NELL1: variants seen among roughly 807,000 people sequenced by gnomAD.
NELL1 encodes protein kinase C-binding protein NELL1.
In NELL1, 76 loss-of-function variants were observed where a neutral mutation model predicts 107.4. That is an observed-to-expected ratio of 0.71 (90% CI 0.59 to 0.86). The LOEUF (loss-of-function observed/expected upper bound fraction) is 0.86, where lower values mean the gene tolerates loss of function less well. NELL1 is among the 40% of genes least tolerant of loss of function. NELL1 has a pLI of 0.00. For missense variants in NELL1, 1,024 were observed against 1,005.5 expected (o/e 1.02, Z -0.25); for synonymous variants, 353 against 341.2 (o/e 1.03, Z -0.38).
At chr11:20,918,076 A>C in intron 5 of NELL1, 106 bp from the exon 6 acceptor site, 1 of 734,996 alleles carries the variant, frequency 1.4e-6, no homozygotes, top group African/African-American at 1.7e-5. Context: ...GAATGAATCA[A>C]TTTTGTTGAA....
At chr11:21,428,994 T>C (rs1852902676) in intron 15 of NELL1, among the ~76,000 whole-genome samples, 1 of 152,202 alleles carries the variant, frequency 6.6e-6, no homozygotes. Context: ...ACTTTCCTTT[T>C]GAGCCTCCAT....
rs1157302454 is a variant in NELL1 at position 20,790,527 on chromosome 11, C to A, written c.335+6697C>A. On this transcript the variant is annotated intron_variant, in intron 3 of 19. Transcript: ENST00000357134. ...CCAGGTCTCCAAGAGTGCAGGGATG[C>A]GTGGGCCCACAGCTGCAGCTGTGAA... Among the ~76,000 whole-genome samples, 3 of 152,316 alleles carry A rather than the reference C, an allele frequency of 2.0e-5. No homozygotes were observed. In the East Asian group the frequency reaches 5.8e-4, roughly 29 times the overall value.
At chr11:21,325,694 A>G (rs547419282) in intron 14 of NELL1, among the ~76,000 whole-genome samples, 54 of 152,186 alleles carry the variant, frequency 3.5e-4, no homozygotes, top group Non-Finnish European at 5.7e-4. Context: ...CAAGCTATGA[A>G]AAGTGTATTC....
At chr11:21,084,183 A>G (rs967875936) in intron 12 of NELL1, among the ~76,000 whole-genome samples, 9 of 152,212 alleles carry the variant, frequency 5.9e-5, no homozygotes, top group African/African-American at 1.4e-4. Flanking sequence ...CGTTGCAGAT[A>G]ATAGTGATGC....
chr11:20,762,411 T>C (rs1237145007), intron 2 of NELL1, among the ~76,000 whole-genome samples: 1 of 152,234 alleles, frequency 6.6e-6, no homozygotes, highest in African/African-American at 2.4e-5. Context: ...AAACTTGTCA[T>C]ATTTTATTCA....
At chr11:20,700,776 G>A (rs1035857931) in intron 2 of NELL1, among the ~76,000 whole-genome samples, 3 of 151,632 alleles carry the variant, frequency 2.0e-5, no homozygotes, top group African/African-American at 7.3e-5. Flanking sequence ...TTCTGTCCTT[G>A]TGATAGTTTG....
At chr11:20,732,304 C>T (rs930984313) in intron 2 of NELL1, among the ~76,000 whole-genome samples, 7 of 152,084 alleles carry the variant, frequency 4.6e-5, no homozygotes, top group African/African-American at 1.4e-4. Flanking sequence ...ATTTGAGTTC[C>T]TCCTGTGTTA....
chr11:21,453,837 G>C (rs1590944219), intron 15 of NELL1, among the ~76,000 whole-genome samples: 3 of 147,270 alleles, frequency 2.0e-5, no homozygotes, highest in African/African-American at 7.5e-5. Context: ...TTTGTGCCAG[G>C]GTTTACAATA....
intron 12 of NELL1, among the ~76,000 whole-genome samples, chr11:21,037,866 G>T (rs1853134744): frequency 6.6e-6 from 1 of 152,070 alleles, no homozygotes; most frequent in Admixed American, 6.6e-5. Flanking sequence ...CATGTATTCT[G>T]CCTTATTGCT....
chr11:21,565,182 T>C (rs1342349929), intron 17 of NELL1, among the ~76,000 whole-genome samples: 1 of 151,930 alleles, frequency 6.6e-6, no homozygotes, highest in Non-Finnish European at 1.5e-5. Flanking sequence ...TGGTTGGAGT[T>C]AGCTGTGCAA....
chr11:20,916,378 G>A (rs1431539395), intron 5 of NELL1, among the ~76,000 whole-genome samples: 2 of 151,924 alleles, frequency 1.3e-5, no homozygotes, highest in African/African-American at 4.8e-5. Flanking sequence ...AAGATCACTT[G>A]AAAAGGAAAA....
chr11:21,093,875 G>C (rs1854578611), intron 12 of NELL1, among the ~76,000 whole-genome samples: 1 of 152,092 alleles, frequency 6.6e-6, no homozygotes, highest in Non-Finnish European at 1.5e-5. Context: ...GATGAGATTT[G>C]GTTGGGGAAA....
chr11:20,858,278 A>G (rs1393499042), intron 4 of NELL1, among the ~76,000 whole-genome samples: 1 of 152,186 alleles, frequency 6.6e-6, no homozygotes, highest in African/African-American at 2.4e-5. Flanking sequence ...CTGATGAGGC[A>G]TAGTATACAG....
At chr11:20,727,518 T>C (rs147650680) in intron 2 of NELL1, among the ~76,000 whole-genome samples, 3,011 of 152,314 alleles carry the variant, frequency 0.02, 51 homozygotes, top group Middle Eastern at 0.051. Context: ...GATGGGTAGA[T>C]TGTAAAATTT....
At chr11:20,746,566 TCA>T (rs10556247) in intron 2 of NELL1, among the ~76,000 whole-genome samples, 4,231 of 149,294 alleles carry the variant, frequency 0.028, 84 homozygotes, top group African/African-American at 0.063. Flanking sequence ...GTGACAGATT[TCA>T]CACACACACA....
At chr11:21,168,144 T>C (rs766570272) in intron 13 of NELL1, among the ~76,000 whole-genome samples, 7 of 151,786 alleles carry the variant, frequency 4.6e-5, no homozygotes, top group Non-Finnish European at 7.4e-5. Context: ...TGTAAAGTAA[T>C]AAGTGAATGG....
chr11:21,436,037 A>AT (rs1853109984), intron 15 of NELL1, among the ~76,000 whole-genome samples: 1 of 151,684 alleles, frequency 6.6e-6, no homozygotes, highest in Admixed American at 6.6e-5. Context: ...GTAAGTTCAG[A>AT]TTTTTTCTTT....
chr11:20,918,694 A>G (rs2134159901), intron 6 of NELL1, among the ~76,000 whole-genome samples: 1 of 152,122 alleles, frequency 6.6e-6, no homozygotes, highest in Admixed American at 6.6e-5. Flanking sequence ...ATAGTATGGG[A>G]GTAACTGCCT....
At chr11:21,267,019 T>C (rs1848649192) in intron 14 of NELL1, among the ~76,000 whole-genome samples, 1 of 152,104 alleles carries the variant, frequency 6.6e-6, no homozygotes, top group African/African-American at 2.4e-5. Flanking sequence ...ATTATTGATG[T>C]GTCATTAAGA....
Sources: gnomAD v4.1 joint callset for allele counts (sites outside exome capture counted in the v4.1 genomes callset) on GRCh38, gnomAD v4.1.1 for gene constraint, MANE v1.5 for transcripts, NCBI Gene and HGNC (gene_info 2026-07-23, HGNC 2026-07-21) for gene names.